ADAMTS12: variants seen among roughly 807,000 people sequenced by gnomAD.
ADAMTS12 encodes ADAM metallopeptidase with thrombospondin type 1 motif 12.
In ADAMTS12, 118 loss-of-function variants were observed where a neutral mutation model predicts 167.8. The ratio of observed to expected loss-of-function variants is 0.70; its 90% CI spans 0.61 to 0.82. The LOEUF is 0.82. ADAMTS12 is among the 40% of genes least tolerant of loss of function. ADAMTS12 has a pLI of 0.00. For missense variants in ADAMTS12, 1,916 were observed against 1,998.8 expected (o/e 0.96, Z 0.79); for synonymous variants, 704 against 716.9 (o/e 0.98, Z 0.29).
At chr5:33,775,078 TG>T (rs1351097713) in intron 2 of ADAMTS12, among the ~76,000 whole-genome samples, 5 of 152,174 alleles carry the variant, frequency 3.3e-5, no homozygotes, top group Non-Finnish European at 7.3e-5. Flanking sequence ...CAGGTCATTC[TG>T]ATGCAGAAAG....
At chr5:33,620,515 T>C (rs1739267122) in intron 14 of ADAMTS12, among the ~76,000 whole-genome samples, 1 of 152,250 alleles carries the variant, frequency 6.6e-6, no homozygotes, top group African/African-American at 2.4e-5. Context: ...AGGAGGTGGC[T>C]ATGAAATTAT....
In ADAMTS12 at chr5:33,867,873, C is replaced by G. The variant is rs150286706; in HGVS notation, c.489+13246G>C. Among the ~76,000 whole-genome samples the G allele has an allele frequency of 5.1e-4, 78 of 152,066 alleles. 1 individual carries two copies. In the East Asian group the frequency reaches 0.014, roughly 28 times the overall value. ...CCAAATCTCATGTGGAACTGTAATC[C>G]CCAGTGTTGGAGGAGGGGCCTGATG... On this transcript the variant is annotated intron_variant, in intron 2 of 23. Transcript: ENST00000504830.
intron 20 of ADAMTS12, among the ~76,000 whole-genome samples, chr5:33,550,327 C>T (rs1416413387): frequency 4.6e-5 from 7 of 152,324 alleles, no homozygotes; most frequent in Admixed American, 1.3e-4. Flanking sequence ...CTAGGACTTG[C>T]TCTCTGGTCT....
intron 5 of ADAMTS12, 46 bp from the exon 6 acceptor site, chr5:33,662,086 GT>G (rs767080687): frequency 1.7e-5 from 27 of 1,594,654 alleles, no homozygotes; most frequent in Non-Finnish European, 2.3e-5. Context: ...GCTCACTGTG[GT>G]CAGGGACCAT....
chr5:33,539,075 G>C (rs1264133214), intron 22 of ADAMTS12, among the ~76,000 whole-genome samples: 4 of 152,060 alleles, frequency 2.6e-5, no homozygotes, highest in Admixed American at 6.5e-5. Context: ...CGGAGTAGCT[G>C]GGATTACAGG....
intron 19 of ADAMTS12, among the ~76,000 whole-genome samples, chr5:33,561,852 C>G (rs1745763856): frequency 6.6e-6 from 1 of 152,182 alleles, no homozygotes; most frequent in Non-Finnish European, 1.5e-5. Context: ...CATTTCCTAC[C>G]AATGCTGTTC....
At chr5:33,683,308 C>T (rs947928113) in intron 4 of ADAMTS12, among the ~76,000 whole-genome samples, 14 of 152,280 alleles carry the variant, frequency 9.2e-5, no homozygotes, top group African/African-American at 3.4e-4. Flanking sequence ...GATAGCTTGG[C>T]TGTGTGTTTG....
intron 1 of ADAMTS12, among the ~76,000 whole-genome samples, chr5:33,885,417 C>T (rs1490781415): frequency 1.3e-5 from 2 of 151,868 alleles, no homozygotes; most frequent in African/African-American, 2.4e-5. Flanking sequence ...TACGGTGAGC[C>T]GAGATCGTGC....
rs1308613080 is a variant in ADAMTS12 at position 33,624,348 on chromosome 5, C to T, written c.2026G>A (p.Val676Ile). ...GAATCGATCTCATAGTCACAGCCAA[C>T]CATCTGTGGGGAAGAGAGGTGGAGG... Reference protein sequence around the residue: ...NVCINGICKMVGCDYEIDSNA... With the variant: ...NVCINGICKMIGCDYEIDSNA... The change falls in exon 14 of 24, where the codon GTT (valine) becomes ATT (isoleucine). Residue 676 changes from valine (V) to isoleucine (I), a missense_variant. Coordinates refer to ENST00000504830, the MANE Select transcript of ADAMTS12 (RefSeq NM_030955.4). 1.2e-6 allele frequency: 2 copies of T among 1,613,938 alleles called. No individual in the cohort carries two copies. The highest frequency in any genetic ancestry group is 3.3e-5 in the Admixed American group (2 of 60,024).
At chr5:33,660,136 C>T (rs73758962) in intron 6 of ADAMTS12, among the ~76,000 whole-genome samples, 2,860 of 152,244 alleles carry the variant, frequency 0.019, 90 homozygotes, top group African/African-American at 0.066. Flanking sequence ...GAAATGCTCT[C>T]CACTGTCTAG....
Position 33,767,755 on chromosome 5 carries a change from A to C in ADAMTS12, c.490-16207T>G, listed in dbSNP as rs182242059. ...GGTAAAGCGGCTAAAGGCAGGGAAGAGGAGGGAGAGAAGATGATAGGGAGG... is the reference window on the plus strand; with the variant it reads ...GGTAAAGCGGCTAAAGGCAGGGAAGCGGAGGGAGAGAAGATGATAGGGAGG... On this transcript the variant is annotated intron_variant, in intron 2 of 23. Coordinates refer to ENST00000504830, the MANE Select transcript of ADAMTS12 (RefSeq NM_030955.4). 7.9e-3 allele frequency among the ~76,000 whole-genome samples: 1,201 copies of C among 152,200 alleles called. 24 individuals are homozygous for C. The highest frequency in any genetic ancestry group is 0.027 in the African/African-American group (1,140 of 41,542).
intron 18 of ADAMTS12, among the ~76,000 whole-genome samples, chr5:33,579,405 G>T (rs987740678): frequency 1.3e-5 from 2 of 151,960 alleles, no homozygotes; most frequent in Non-Finnish European, 2.9e-5. Flanking sequence ...TTTCCATGAA[G>T]TATTAGACTA....
intron 3 of ADAMTS12, among the ~76,000 whole-genome samples, chr5:33,747,821 A>AAGAT (rs2112384412): frequency 1.3e-5 from 2 of 152,322 alleles, no homozygotes; most frequent in East Asian, 3.9e-4. Flanking sequence ...ATATATTATA[A>AAGAT]AGATAAAACC....
chr5:33,574,149 G>A (rs1746540459), intron 19 of ADAMTS12, among the ~76,000 whole-genome samples: 1 of 151,584 alleles, frequency 6.6e-6, no homozygotes, highest in Admixed American at 6.6e-5. Flanking sequence ...ACTGTTGGTG[G>A]GACTGTAAAC....
chr5:33,699,385 A>T (rs1178947645), intron 3 of ADAMTS12, among the ~76,000 whole-genome samples: 1 of 151,896 alleles, frequency 6.6e-6, no homozygotes, highest in African/African-American at 2.4e-5. Context: ...AAAAACCTTG[A>T]CCTAATCTTT....
chr5:33,830,804 T>C (rs1027435791), intron 2 of ADAMTS12, among the ~76,000 whole-genome samples: 1 of 152,104 alleles, frequency 6.6e-6, no homozygotes, highest in Non-Finnish European at 1.5e-5. Context: ...TATATATAGC[T>C]TTCATTTATA....
At chr5:33,658,117 C>A (rs1741125717) in intron 7 of ADAMTS12, 67 bp downstream of exon 7, 7 of 1,585,820 alleles carry the variant, frequency 4.4e-6, no homozygotes, top group Non-Finnish European at 6.0e-6. Flanking sequence ...GTGTTCACCT[C>A]AAATTCTCTC....
intron 3 of ADAMTS12, among the ~76,000 whole-genome samples, chr5:33,744,725 A>G (rs11745480): frequency 0.64 from 97,756 of 152,030 alleles, 32,773 homozygotes; most frequent in Non-Finnish European, 0.75. Flanking sequence ...TTGAGGACAC[A>G]GATTAAAGAA....
chr5:33,884,119 A>T (rs1750556117), intron 1 of ADAMTS12, among the ~76,000 whole-genome samples: 1 of 152,178 alleles, frequency 6.6e-6, no homozygotes, highest in East Asian at 1.9e-4. Flanking sequence ...CCACATGCTG[A>T]CTGGCGCCTT....
Sources: allele counts gnomAD v4.1 joint callset (sites outside exome capture counted in the v4.1 genomes callset), GRCh38; gene constraint gnomAD v4.1.1; transcripts MANE v1.5; gene names NCBI Gene and HGNC (gene_info 2026-07-23, HGNC 2026-07-21).